SLCO2A1: variants seen among roughly 807,000 people sequenced by gnomAD.
The protein encoded by SLCO2A1 is solute carrier organic anion transporter family member 2A1, also known as matrin F/G 1.
A neutral mutation model predicts 71.7 loss-of-function variants in SLCO2A1; 60 were observed. That is an observed-to-expected ratio of 0.84 (90% CI 0.68 to 1.04). The LOEUF (loss-of-function observed/expected upper bound fraction) is 1.04, where lower values mean the gene tolerates loss of function less well. Among genes scored for constraint, SLCO2A1 ranks in the 50% least tolerant of loss-of-function variants. The pLI is 0.00. For missense variants in SLCO2A1, 745 were observed against 813.4 expected, an observed-to-expected ratio of 0.92 and a Z score of 1.02; for synonymous variants, 308 against 326.7, an observed-to-expected ratio of 0.94 and a Z score of 0.62.
intron 1 of SLCO2A1, among the ~76,000 whole-genome samples, chr3:134,001,854 C>T (rs1935109368): frequency 6.6e-6 from 1 of 152,150 alleles, no homozygotes; most frequent in African/African-American, 2.4e-5. Context: ...GTTTAGATGA[C>T]AGCAACAAGA....
At chr3:133,992,719 A>G (rs1934880611) in intron 1 of SLCO2A1, among the ~76,000 whole-genome samples, 1 of 152,194 alleles carries the variant, frequency 6.6e-6, no homozygotes, top group South Asian at 2.1e-4. Flanking sequence ...CTTCAGAGGA[A>G]CAGTTTGACA....
intron 2 of SLCO2A1, among the ~76,000 whole-genome samples, chr3:133,974,677 A>G (rs939925919): frequency 3.3e-5 from 5 of 152,176 alleles, no homozygotes; most frequent in Admixed American, 1.3e-4. Flanking sequence ...GAACCAGGGA[A>G]GGGAACTGAA....
In SLCO2A1 at chr3:133,949,154, G is replaced by A. The variant is rs76483522; in HGVS notation, c.862-183C>T. The A allele has an allele frequency of 2.7e-3, 1,630 of 602,268 alleles. 3 individuals are homozygous for A. Among genetic ancestry groups the A allele is most frequent in the Non-Finnish European group, 4.1e-3 (1,372 of 336,752 alleles). 37.3% of individuals were successfully genotyped at this position (602,268 alleles called of 1,614,324 possible). A position where few individuals can be genotyped will look rare whatever the true frequency, so the allele number is the denominator to read the frequency against. On this transcript the variant is annotated intron_variant, in intron 6 of 13. Transcript: ENST00000310926. ...TGAAGCAAACAGCACCTGCATTTCC[G>A]TGAGCCTGGTGTTTTGGCCGACAAT...
rs1933532756 is a variant in SLCO2A1, at chr3:133,945,117, C to T, written c.1439G>A (p.Ser480Asn). ...TACCAGTTGCTTGGAGGTTGCAGAG[C>T]TCATGTTGATGTTGCTGCAGCCGGC... Reference protein sequence around the residue: ...CHAGCSNINMSSATSKQLIYL... With the variant: ...CHAGCSNINMNSATSKQLIYL... The change falls in exon 10 of 14, where the codon AGC becomes AAC. Residue 480 changes from serine to asparagine, a missense_variant. By Grantham distance (46) the Ser-to-Asn change is conservative. Coordinates refer to ENST00000310926, the MANE Select transcript of SLCO2A1 (RefSeq NM_005630.3). The T allele has an allele frequency of 4.3e-6, 7 of 1,613,502 alleles. No homozygotes were observed. The highest frequency in any genetic ancestry group is 2.2e-5 in the East Asian group (1 of 44,892).
intron 1 of SLCO2A1, among the ~76,000 whole-genome samples, chr3:134,027,326 C>G (rs2108082653): frequency 6.6e-6 from 1 of 152,310 alleles, no homozygotes; most frequent in African/African-American, 2.4e-5. Context: ...AAGATCGACC[C>G]CTGACCTAAT....
chr3:133,935,139 C>T (rs930801316), intron 13 of SLCO2A1, among the ~76,000 whole-genome samples: 2 of 152,158 alleles, frequency 1.3e-5, no homozygotes, highest in African/African-American at 4.8e-5. Flanking sequence ...CCAAGCAGAG[C>T]CAGAAGGAGA....
At chr3:134,015,825 C>G (rs1935439580) in intron 1 of SLCO2A1, among the ~76,000 whole-genome samples, 1 of 152,114 alleles carries the variant, frequency 6.6e-6, no homozygotes, top group African/African-American at 2.4e-5. Context: ...AGACTGGTAT[C>G]AGCAGAAACA....
intron 1 of SLCO2A1, among the ~76,000 whole-genome samples, chr3:133,988,871 C>T (rs1934773587): frequency 6.6e-6 from 1 of 152,196 alleles, no homozygotes; most frequent in South Asian, 2.1e-4. Context: ...AACTTAAGGC[C>T]GGTTTGTGCT....
At chr3:133,979,756 C>T (rs1283549125) in intron 1 of SLCO2A1, 138 bp from the exon 2 acceptor site, 2 of 872,954 alleles carry the variant, frequency 2.3e-6, no homozygotes, top group Non-Finnish European at 3.4e-6. Flanking sequence ...CCAGGGTCTC[C>T]AGGATGAAAC....
chr3:133,945,013 C>T lies in SLCO2A1; in HGVS notation c.1461+82G>A, dbSNP rs1372240500. On this transcript the variant is annotated intron_variant, in intron 10 of 13. Transcript: ENST00000310926. ...TGTGGAGCCCTGCCTATCCTGGAGC[C>T]GAGAAACAGTCTTTGAGGGCATGCG... 1.2e-5 allele frequency: 18 copies of T among 1,482,270 alleles called. No homozygotes were observed. The African/African-American group carries it at 1.3e-4, about 10-fold the overall frequency. The allele number at this position is 1,482,270 out of a possible 1,614,324, so 91.8% of individuals were successfully genotyped here.
At position 133,952,452 on chromosome 3, in the gene SLCO2A1, G is replaced by A. The variant is rs533063967; in HGVS notation, c.725-1108C>T. Among the ~76,000 whole-genome samples, 104 of 152,252 alleles carry A rather than the reference G, an allele frequency of 6.8e-4. 1 individual carries two copies. Among genetic ancestry groups the A allele is most frequent in the Non-Finnish European group, 1.2e-3 (84 of 68,014 alleles). Reference sequence around the variant, plus strand: ...CTGCCTTTCAGCCACCCCTTCAGCCGAGCTGGAACTTCGTATCCCACCCAC... The same window carrying A: ...CTGCCTTTCAGCCACCCCTTCAGCCAAGCTGGAACTTCGTATCCCACCCAC... On this transcript the variant is annotated intron_variant, in intron 5 of 13. Coordinates refer to ENST00000310926, the MANE Select transcript of SLCO2A1 (RefSeq NM_005630.3).
At chr3:133,988,528 G>A (rs1559948136) in intron 1 of SLCO2A1, among the ~76,000 whole-genome samples, 1 of 152,186 alleles carries the variant, frequency 6.6e-6, no homozygotes, top group Admixed American at 6.5e-5. Context: ...GACCACCATG[G>A]CACATGTTCT....
chr3:133,947,702 G>T (rs1933621894), intron 8 of SLCO2A1, among the ~76,000 whole-genome samples: 1 of 152,172 alleles, frequency 6.6e-6, no homozygotes, highest in Non-Finnish European at 1.5e-5. Context: ...TAAGAGATGT[G>T]GGTTGAATAT....
At chr3:133,942,014 G>A (rs1272526412) in intron 11 of SLCO2A1, among the ~76,000 whole-genome samples, 1 of 152,048 alleles carries the variant, frequency 6.6e-6, no homozygotes, top group Non-Finnish European at 1.5e-5. Flanking sequence ...TTATTTTTGA[G>A]ACGGAGTCTC....
At chr3:133,945,030 G>A (rs1278868711) in intron 10 of SLCO2A1, 65 bp downstream of exon 10, 4 of 1,529,580 alleles carry the variant, frequency 2.6e-6, no homozygotes, top group African/African-American at 1.4e-5. Context: ...CAGTCTTTGA[G>A]GGCATGCGCT....
At position 133,935,906 on chromosome 3, in the gene SLCO2A1, G is replaced by T; in HGVS notation, c.1691-9C>A. ...TGGAGATGGCAGCCAGGCTGGAAGA[G>T]GGTTCAGAAAGCCCTGGTCAGGTGG... On this transcript the variant is annotated splice_polypyrimidine_tract_variant and intron_variant, in intron 12 of 13. Coordinates refer to ENST00000310926, the MANE Select transcript of SLCO2A1 (RefSeq NM_005630.3). 6.3e-7 allele frequency: 1 copy of T among 1,585,282 alleles called. No homozygotes were observed. The highest frequency in any genetic ancestry group is 8.6e-7 in the Non-Finnish European group (1 of 1,164,306).
Position 133,973,696 on chromosome 3 carries a change from A to G in SLCO2A1, c.364T>C (p.Ser122Pro). ...AFILTLPHFL[S>P]EPYQYTLAST... ...GCCAAGGTGTACTGGTAGGGCTCGG[A>G]GAGGAAGTGTGGGAGGGTGAGGATG... Residue 122 changes from serine to proline, a missense_variant, in exon 3 of 14, where the codon TCC becomes CCC. Transcript: ENST00000310926. 1 of 1,613,980 alleles carries G rather than the reference A, an allele frequency of 6.2e-7. No individual in the cohort carries two copies. Among genetic ancestry groups the G allele is most frequent in the South Asian group, 1.1e-5 (1 of 91,054 alleles).
chr3:134,005,013 T>C (rs959499185), intron 1 of SLCO2A1, among the ~76,000 whole-genome samples: 2 of 152,212 alleles, frequency 1.3e-5, no homozygotes, highest in African/African-American at 4.8e-5. Flanking sequence ...CAAGCATGAC[T>C]CAGCCATGGA....
At position 133,987,513 on chromosome 3, in the gene SLCO2A1, C is replaced by T. The variant is rs758090340; in HGVS notation, c.97-7895G>A. Among the ~76,000 whole-genome samples the T allele has an allele frequency of 3.9e-5, 6 of 152,172 alleles. No individual in the cohort carries two copies. The East Asian group carries it at 5.8e-4, about 15-fold the overall frequency. Reference sequence around the variant, plus strand: ...ACCTATAAACTGGAAGTCCTCCCCCCACCCCACTTCAAGTTGTCTCGCCTT... The same window carrying T: ...ACCTATAAACTGGAAGTCCTCCCCCTACCCCACTTCAAGTTGTCTCGCCTT... On this transcript the variant is annotated intron_variant, in intron 1 of 13. Transcript: ENST00000310926.
Sources: gnomAD v4.1 joint callset for allele counts (sites outside exome capture counted in the v4.1 genomes callset) on GRCh38, gnomAD v4.1.1 for gene constraint, MANE v1.5 for transcripts, NCBI Gene and HGNC (gene_info 2026-07-23, HGNC 2026-07-21) for gene names.